RAPGEF4: variants seen among roughly 807,000 people sequenced by gnomAD.
The protein encoded by RAPGEF4 is RAP guanine-nucleotide-exchange factor (GEF) 4.
A neutral mutation model predicts 147.9 loss-of-function variants in RAPGEF4; 66 were observed. The observed-to-expected ratio is 0.45, with a 90% CI of 0.37 to 0.55. The LOEUF (loss-of-function observed/expected upper bound fraction) is 0.55. Ranked by LOEUF, RAPGEF4 falls within the 20% of genes least tolerant of loss-of-function variation. The probability of loss-of-function intolerance (pLI) is 0.00; values close to 1 mark genes in which losing one functional copy is unlikely to be tolerated. For missense variants in RAPGEF4, 1,071 were observed against 1,257.3 expected, an observed-to-expected ratio of 0.85 and a Z score of 2.24; for synonymous variants, 419 against 442.7, an observed-to-expected ratio of 0.95 and a Z score of 0.67.
chr2:172,826,866 A>G (rs1689723931), intron 4 of RAPGEF4, among the ~76,000 whole-genome samples: 1 of 151,954 alleles, frequency 6.6e-6, no homozygotes, highest in African/African-American at 2.4e-5. Flanking sequence ...TGGGAGGCTG[A>G]GGTGGGAGGA....
intron 1 of RAPGEF4, among the ~76,000 whole-genome samples, chr2:172,792,302 T>C (rs1160109140): frequency 6.6e-6 from 1 of 152,196 alleles, no homozygotes; most frequent in African/African-American, 2.4e-5. Context: ...AGTCCTAGTC[T>C]CTGTTCCAAA....
At position 172,967,358 on chromosome 2, in the gene RAPGEF4, G is replaced by A. The variant is rs759830672; in HGVS notation, c.918G>A (p.Lys306=). The A allele has an allele frequency of 1.2e-6, 2 of 1,612,150 alleles. No individual in the cohort carries two copies. Among genetic ancestry groups the A allele is most frequent in the Non-Finnish European group, 1.7e-6 (2 of 1,179,834 alleles). Residue 306 remains lysine, a synonymous_variant, in exon 10 of 31, where the codon AAG becomes AAA. Coordinates refer to ENST00000397081, the MANE Select transcript of RAPGEF4 (RefSeq NM_007023.4). ...CTTTGCCTACTGAGGAGGAGAAGAA[G>A]GAGTGTGATGAGGAGCTCCAGGACA... ...DAPLPTEEEK[K]ECDEELQDTM...
At chr2:172,979,236 T>C (rs762145954) in intron 10 of RAPGEF4, among the ~76,000 whole-genome samples, 1 of 152,132 alleles carries the variant, frequency 6.6e-6, no homozygotes, top group East Asian at 1.9e-4. Flanking sequence ...TTAACCTCAG[T>C]GGGAAGGACA....
chr2:172,985,296 C>T, intron 11 of RAPGEF4, 137 bp from the exon 12 acceptor site: 1 of 1,169,774 alleles, frequency 8.5e-7, no homozygotes, highest in Non-Finnish European at 1.2e-6. Context: ...TAGATGAGAG[C>T]AGCAGCAAGA....
chr2:173,036,472 A>G (rs1324510926), intron 28 of RAPGEF4, among the ~76,000 whole-genome samples, 156 bp from the exon 29 acceptor site: 4 of 152,236 alleles, frequency 2.6e-5, no homozygotes, highest in Admixed American at 2.0e-4. Flanking sequence ...GAAGTGATTT[A>G]AAAAGTTAAA....
At chr2:172,786,567 G>A (rs1685227181) in intron 1 of RAPGEF4, among the ~76,000 whole-genome samples, 1 of 152,048 alleles carries the variant, frequency 6.6e-6, no homozygotes, top group Non-Finnish European at 1.5e-5. Flanking sequence ...TCTCCTGAAG[G>A]AAAAAAGAAT....
chr2:172,804,759 T>A (rs547603851), intron 3 of RAPGEF4, among the ~76,000 whole-genome samples: 1 of 152,190 alleles, frequency 6.6e-6, no homozygotes, highest in Non-Finnish European at 1.5e-5. Flanking sequence ...TGCCCCTGGA[T>A]TGCTGAAGCC....
At chr2:173,044,702 C>T (rs1575595284) in intron 29 of RAPGEF4, among the ~76,000 whole-genome samples, 1 of 152,126 alleles carries the variant, frequency 6.6e-6, no homozygotes, top group African/African-American at 2.4e-5. Context: ...TTAAGCGTGG[C>T]GACAGGGGGG....
At chr2:172,741,847 A>AT (rs1694328220) in intron 1 of RAPGEF4, among the ~76,000 whole-genome samples, 1 of 152,022 alleles carries the variant, frequency 6.6e-6, no homozygotes, top group Non-Finnish European at 1.5e-5. Flanking sequence ...AATTTTAAAA[A>AT]TTTTTTGTAG....
chr2:172,791,209 C>T (rs1438484803), intron 1 of RAPGEF4, among the ~76,000 whole-genome samples: 2 of 152,128 alleles, frequency 1.3e-5, no homozygotes, highest in African/African-American at 4.8e-5. Flanking sequence ...TTTGAGGGAC[C>T]AAATAGCAGA....
At chr2:172,781,623 G>A (rs374582122) in intron 1 of RAPGEF4, among the ~76,000 whole-genome samples, 3 of 152,102 alleles carry the variant, frequency 2.0e-5, no homozygotes, top group African/African-American at 4.8e-5. Flanking sequence ...ATGTACAGTC[G>A]TCCTGGGGTA....
At chr2:172,961,639 C>T (rs1575382217) in intron 8 of RAPGEF4, among the ~76,000 whole-genome samples, 1 of 152,142 alleles carries the variant, frequency 6.6e-6, no homozygotes, top group Non-Finnish European at 1.5e-5. Context: ...GACATGTAGA[C>T]CATTTTTCAG....
rs145687269 is a variant in RAPGEF4 at position 173,018,046 on chromosome 2, G to A, written c.2008+542G>A. On this transcript the variant is annotated intron_variant, in intron 21 of 30. Transcript: ENST00000397081. ...AGCTATAAATAAATCTTGTCATTTAGGACTGCCTCTAAACCCAGGAATTAT... is the reference window on the plus strand; with the variant it reads ...AGCTATAAATAAATCTTGTCATTTAAGACTGCCTCTAAACCCAGGAATTAT... Among the ~76,000 whole-genome samples, 438 of 152,244 alleles carry A rather than the reference G, an allele frequency of 2.9e-3. 2 individuals carry two copies. Among genetic ancestry groups the A allele is most frequent in the Middle Eastern group, 0.01 (3 of 294 alleles).
chr2:172,950,300 C>T (rs1177577342), intron 6 of RAPGEF4, among the ~76,000 whole-genome samples: 1 of 152,142 alleles, frequency 6.6e-6, no homozygotes, highest in African/African-American at 2.4e-5. Flanking sequence ...CTCAGTGGTA[C>T]CCAGTGGCGG....
chr2:172,771,056 G>A (rs889323808), intron 1 of RAPGEF4, among the ~76,000 whole-genome samples: 2 of 151,560 alleles, frequency 1.3e-5, no homozygotes, highest in Non-Finnish European at 2.9e-5. Flanking sequence ...TACATAGGCT[G>A]GTCATTTATA....
chr2:172,933,651 C>T (rs1226467359), intron 6 of RAPGEF4, among the ~76,000 whole-genome samples: 2 of 152,176 alleles, frequency 1.3e-5, no homozygotes, highest in African/African-American at 4.8e-5. Flanking sequence ...AATAGTGAGA[C>T]ATAAATCAGC....
At chr2:172,857,332 A>G (rs1364555383) in intron 4 of RAPGEF4, among the ~76,000 whole-genome samples, 4 of 152,142 alleles carry the variant, frequency 2.6e-5, no homozygotes, top group African/African-American at 9.7e-5. Context: ...TTTTCAGGAC[A>G]ATGGAAGGAA....
Position 172,988,230 on chromosome 2 carries a change from C to T in RAPGEF4, c.1185C>T (p.Tyr395=). 16 of 1,611,150 alleles carry T rather than the reference C, an allele frequency of 9.9e-6. No homozygotes were observed. The highest frequency in any genetic ancestry group is 1.4e-5 in the Non-Finnish European group (16 of 1,179,304). ...AGGGGGAAGAAGGTACCTCCTGGTA[C>T]ATTATTCTAAAAGGATCAGTGAATG... The part of the protein sequence containing the change: ...FNQGEEGTSW[Y]IILKGSVNVV... The change falls in exon 13 of 31, where the codon TAC becomes TAT. Residue 395 remains tyrosine, a synonymous_variant. Transcript: ENST00000397081.
At chr2:172,904,031 G>A (rs1401822484) in intron 4 of RAPGEF4, among the ~76,000 whole-genome samples, 1 of 152,138 alleles carries the variant, frequency 6.6e-6, no homozygotes, top group East Asian at 1.9e-4. Context: ...AACAGTCATG[G>A]GCTATTACTT....
Sources: allele counts gnomAD v4.1 joint callset (sites outside exome capture counted in the v4.1 genomes callset), GRCh38; gene constraint gnomAD v4.1.1; transcripts MANE v1.5; gene names NCBI Gene and HGNC (gene_info 2026-07-23, HGNC 2026-07-21).